COL4A1: variants seen among roughly 807,000 people sequenced by gnomAD.
COL4A1 encodes the protein collagen type IV alpha 1 chain, also known as collagen alpha-1(IV) chain.
COL4A1 carries 40 observed loss-of-function variants against 216.6 expected under a neutral mutation model. That is an observed-to-expected ratio of 0.18 (90% CI 0.14 to 0.24). COL4A1 has a LOEUF of 0.24. Among genes scored for constraint, COL4A1 ranks in the 10% least tolerant of loss-of-function variants. The pLI is 1.00. For missense variants in COL4A1, 1,628 were observed against 2,196.8 expected, an observed-to-expected ratio of 0.74 and a Z score of 5.18; for synonymous variants, 839 against 810.7, an observed-to-expected ratio of 1.03 and a Z score of -0.59.
intron 2 of COL4A1, among the ~76,000 whole-genome samples, chr13:110,222,098 C>A (rs1483326316): frequency 1.3e-5 from 2 of 152,066 alleles, no homozygotes; most frequent in Non-Finnish European, 2.9e-5. Context: ...CCTTCATCCA[C>A]CTCCAGGCAC....
At chr13:110,175,079 G>A (rs1441613872) in intron 37 of COL4A1, 139 bp downstream of exon 37, 4 of 1,066,000 alleles carry the variant, frequency 3.8e-6, no homozygotes, top group Non-Finnish European at 5.7e-6. Flanking sequence ...AGGGGAAGGA[G>A]AGGCGACTTG....
intron 41 of COL4A1, 102 bp downstream of exon 41, chr13:110,172,618 G>A (rs1877696917): frequency 1.3e-5 from 15 of 1,148,062 alleles, no homozygotes; most frequent in Non-Finnish European, 1.7e-5. Flanking sequence ...TTGCTGCCTG[G>A]CCAACAGGCA....
intron 1 of COL4A1, among the ~76,000 whole-genome samples, chr13:110,281,253 G>A (rs188396626): frequency 9.8e-4 from 149 of 152,268 alleles, no homozygotes; most frequent in African/African-American, 3.3e-3. Flanking sequence ...ACCTCCCCCC[G>A]CCATCTCCTA....
Position 110,211,547 on chromosome 13 carries a change from G to C in COL4A1, c.468+100C>G. The C allele has an allele frequency of 8.7e-7, 1 of 1,148,918 alleles. No individual in the cohort carries two copies. The highest frequency in any genetic ancestry group is 1.3e-6 in the Non-Finnish European group (1 of 793,666). 71.2% of individuals were successfully genotyped at this position (1,148,918 alleles called of 1,614,324 possible). On this transcript the variant is annotated intron_variant, in intron 8 of 51. Transcript: ENST00000375820. The surrounding 1 kb of genome is among the most constrained non-coding windows in gnomAD (Gnocchi z 4.3). ...TAGGGAAGTGTGTTCAGAAACAATC[G>C]ATCAGCCAAAGTGGTTTAAAGAGAA...
At chr13:110,238,581 T>C (rs1446214424) in intron 2 of COL4A1, among the ~76,000 whole-genome samples, 1 of 152,206 alleles carries the variant, frequency 6.6e-6, no homozygotes, top group Non-Finnish European at 1.5e-5. Flanking sequence ...TCAGAAAGAC[T>C]TTTGTATTTG....
intron 2 of COL4A1, among the ~76,000 whole-genome samples, chr13:110,223,289 G>T (rs183544664): frequency 6.6e-6 from 1 of 152,136 alleles, no homozygotes; most frequent in Admixed American, 6.5e-5. Context: ...CTTATGTAAA[G>T]GTTCTTCTTT....
chr13:110,213,640 G>T, intron 4 of COL4A1, 142 bp downstream of exon 4: 1 of 800,766 alleles, frequency 1.2e-6, no homozygotes, highest in East Asian at 2.6e-5. Context: ...TGCCTGCCTC[G>T]CGCCTGCCTG....
chr13:110,294,486 T>C lies in COL4A1; in HGVS notation c.84+12458A>G, dbSNP rs181681667. On this transcript the variant is annotated intron_variant, in intron 1 of 51. Transcript: ENST00000375820. ...TTTCATCCACTCTAAACCCAAGTGG[T>C]ATTTCCCATGGCTAGCTGTACTTAA... Among the ~76,000 whole-genome samples, 5 of 152,308 alleles carry C rather than the reference T, an allele frequency of 3.3e-5. No homozygotes were observed. The East Asian group carries it at 5.8e-4, about 18-fold the overall frequency.
At chr13:110,252,278 C>T (rs1340442416) in intron 1 of COL4A1, among the ~76,000 whole-genome samples, 1 of 151,794 alleles carries the variant, frequency 6.6e-6, no homozygotes, top group East Asian at 1.9e-4. Context: ...CCCACCTCAG[C>T]CTCCCGAAGC....
In COL4A1 at chr13:110,242,701, C is replaced by A; in HGVS notation, c.118G>T (p.Asp40Tyr). The A allele has an allele frequency of 6.2e-7, 1 of 1,614,220 alleles. No homozygotes were observed. Among genetic ancestry groups the A allele is most frequent in the South Asian group, 1.1e-5 (1 of 91,082 alleles). ...TTTTGTCCCTTCACTCCATGGCAGT[C>A]ACATTTGCCACAGCCAGAGCCAGCA... ...GCAGSGCGKCDCHGVKGQKGE... is the reference protein window; with the variant it reads ...GCAGSGCGKCYCHGVKGQKGE... The change falls in exon 2 of 52, where the codon GAC (aspartate) becomes TAC (tyrosine). Residue 40 changes from aspartate to tyrosine, a missense_variant. Physicochemically the swap from Asp to Tyr is radical, Grantham distance 160 (BLOSUM62 -3). This residue lies in a region of COL4A1 where 74 missense variants were observed against 61.7 expected (regional missense o/e 1.20). Transcript: ENST00000375820.
intron 2 of COL4A1, among the ~76,000 whole-genome samples, chr13:110,220,015 G>T (rs970724983): frequency 1.4e-5 from 2 of 148,100 alleles, no homozygotes; most frequent in Non-Finnish European, 3.0e-5. Flanking sequence ...TGTCACTGAG[G>T]CTGGATTGCA....
intron 36 of COL4A1, among the ~76,000 whole-genome samples, chr13:110,175,870 G>A (rs143191532): frequency 6.6e-6 from 1 of 152,340 alleles, no homozygotes; most frequent in East Asian, 1.9e-4. Context: ...CAAGACTCAA[G>A]AGGAGATGGA....
rs144373164 is a variant in COL4A1, at chr13:110,201,721, C to T, written c.1000-199G>A. ...TGGGACAGGCCGGTGCGGTGGCTCA[C>T]GCCTGTAATCCCAGCACTTTGGGAG... On this transcript the variant is annotated intron_variant, in intron 18 of 51. Transcript: ENST00000375820. 6.4e-3 allele frequency: 4,632 copies of T among 719,640 alleles called. 143 individuals are homozygous for T. In the African/African-American group the frequency reaches 0.071, roughly 11 times the overall value. The allele number at this position is 719,640 out of a possible 1,614,324, so 44.6% of individuals were successfully genotyped here. A position where few individuals can be genotyped will look rare whatever the true frequency, so the allele number is the denominator to read the frequency against.
rs982745881 is a variant in COL4A1, at chr13:110,279,917, C to T, written c.84+27027G>A. On this transcript the variant is annotated intron_variant, in intron 1 of 51. Transcript: ENST00000375820. ...TGGCCACTGTCTTCTCCTGGGTCTG[C>T]CAGACACCTCCAGAGAGCGTCCACG... is the stretch of plus-strand genomic sequence containing the variant. Among the ~76,000 whole-genome samples the T allele has an allele frequency of 6.6e-5, 10 of 152,312 alleles. No individual in the cohort carries two copies. In the South Asian group the frequency reaches 2.1e-3, roughly 32 times the overall value.
intron 2 of COL4A1, among the ~76,000 whole-genome samples, chr13:110,238,798 T>C (rs1288935878): frequency 6.6e-6 from 1 of 152,200 alleles, no homozygotes; most frequent in African/African-American, 2.4e-5. Context: ...TAGCAAAACA[T>C]AAATGGTTAA....
At chr13:110,231,409 T>C (rs920785920) in intron 2 of COL4A1, among the ~76,000 whole-genome samples, 8 of 152,206 alleles carry the variant, frequency 5.3e-5, no homozygotes, top group African/African-American at 1.7e-4. Context: ...GCGTAAATCA[T>C]GGGCCACCGC....
chr13:110,174,349 C>T (rs1260567020), intron 39 of COL4A1, 97 bp downstream of exon 39: 1 of 1,367,094 alleles, frequency 7.3e-7, no homozygotes, highest in African/African-American at 1.4e-5. Flanking sequence ...AGCTGGCCTC[C>T]CTGCTCCCCG....
At chr13:110,159,928 T>TG (rs35304611) in intron 49 of COL4A1, among the ~76,000 whole-genome samples, 1 of 151,702 alleles carries the variant, frequency 6.6e-6, no homozygotes, top group Non-Finnish European at 1.5e-5. Context: ...GAAAGTAGAA[T>TG]GGGGGGTCAC....
At chr13:110,260,573 A>G (rs12430390) in intron 1 of COL4A1, among the ~76,000 whole-genome samples, 25,891 of 152,218 alleles carry the variant, frequency 0.17, 2,395 homozygotes, top group Non-Finnish European at 0.2. Flanking sequence ...CTCCGGCCCA[A>G]GCTTTCTAGA....
Sources: allele counts gnomAD v4.1 joint callset (sites outside exome capture counted in the v4.1 genomes callset), GRCh38; gene constraint gnomAD v4.1.1; regional missense constraint gnomAD v4.1.1; non-coding constraint Gnocchi (gnomAD v3.1); transcripts MANE v1.5; gene names NCBI Gene and HGNC (gene_info 2026-07-23, HGNC 2026-07-21).